Variants in NRAP observed in about 807,000 individuals in gnomAD.
The protein encoded by NRAP is nebulin-related-anchoring protein.
NRAP carries 189 observed loss-of-function variants against 225.9 expected under a neutral mutation model. The ratio of observed to expected loss-of-function variants is 0.84; its 90% CI spans 0.74 to 0.94. The LOEUF (loss-of-function observed/expected upper bound fraction) is 0.94, where lower values mean the gene tolerates loss of function less well. Ranked by LOEUF, NRAP falls within the 40% of genes least tolerant of loss-of-function variation. NRAP has a pLI of 0.00. For synonymous variants in NRAP, 769 were observed against 790.7 expected, an observed-to-expected ratio of 0.97 and a Z score of 0.46; for missense variants, 2,176 against 2,168.7, an observed-to-expected ratio of 1.00 and a Z score of -0.07.
chr10:113,661,636 G>A (rs1464249488), intron 3 of NRAP, among the ~76,000 whole-genome samples: 2 of 152,144 alleles, frequency 1.3e-5, no homozygotes, highest in African/African-American at 4.8e-5. Context: ...ATTTTAATAG[G>A]TGCAAGAGTT....
chr10:113,644,842 G>A (rs1300262855), intron 11 of NRAP, among the ~76,000 whole-genome samples: 3 of 152,198 alleles, frequency 2.0e-5, no homozygotes, highest in Non-Finnish European at 4.4e-5. Flanking sequence ...AACTTGTTAT[G>A]TGAATGCTTT....
At chr10:113,650,713 T>C (rs1199501825) in intron 7 of NRAP, among the ~76,000 whole-genome samples, 168 bp from the exon 8 acceptor site, 1 of 152,208 alleles carries the variant, frequency 6.6e-6, no homozygotes, top group Non-Finnish European at 1.5e-5. Flanking sequence ...CATCTTCTTA[T>C]TCCCAATACC....
intron 14 of NRAP, among the ~76,000 whole-genome samples, chr10:113,637,692 G>A (rs1848956936): frequency 6.6e-6 from 1 of 152,336 alleles, no homozygotes; most frequent in Admixed American, 6.5e-5. Flanking sequence ...GGGAGGCCGA[G>A]GCAGGCGGAT....
At chr10:113,635,992 A>T (rs1288488719) in intron 14 of NRAP, among the ~76,000 whole-genome samples, 2 of 152,136 alleles carry the variant, frequency 1.3e-5, no homozygotes, top group African/African-American at 4.8e-5. Context: ...TGGACATCTG[A>T]ATCTCTGTGC....
intron 32 of NRAP, among the ~76,000 whole-genome samples, chr10:113,606,864 G>A (rs1393628755): frequency 1.3e-5 from 2 of 151,902 alleles, no homozygotes; most frequent in Admixed American, 6.6e-5. Context: ...TCAGGAGTTC[G>A]AGACCAGCCT....
At chr10:113,615,399 A>G (rs1404523646) in intron 27 of NRAP, among the ~76,000 whole-genome samples, 1 of 152,166 alleles carries the variant, frequency 6.6e-6, no homozygotes, top group Admixed American at 6.5e-5. Flanking sequence ...GCCACTGGAT[A>G]TACTCAGCTA....
chr10:113,644,252 C>T (rs1422319396), intron 11 of NRAP, among the ~76,000 whole-genome samples: 1 of 148,384 alleles, frequency 6.7e-6, no homozygotes, highest in African/African-American at 2.5e-5. Flanking sequence ...CTAAAAGTCT[C>T]TACCACCCAG....
At chr10:113,589,488 C>T (rs753669869) in intron 41 of NRAP, 178 bp downstream of exon 41, 7 of 689,170 alleles carry the variant, frequency 1.0e-5, no homozygotes, top group East Asian at 2.7e-5. Flanking sequence ...GTTTAACCTG[C>T]GTGTCATCTG....
At chr10:113,608,635 C>T (rs774858007) in intron 31 of NRAP, 123 bp from the exon 32 acceptor site, 107 of 661,158 alleles carry the variant, frequency 1.6e-4, no homozygotes, top group Non-Finnish European at 2.6e-4. Context: ...TCTATCACTC[C>T]AGAATCCAGA....
intron 30 of NRAP, 135 bp from the exon 31 acceptor site, chr10:113,610,698 G>A (rs991005346): frequency 4.2e-5 from 25 of 592,496 alleles, no homozygotes; most frequent in African/African-American, 1.3e-4. Flanking sequence ...CCGTCCCTCC[G>A]GATATATTAA....
Position 113,606,282 on chromosome 10 carries a change from G to C in NRAP, c.3703C>G (p.Arg1235Gly). ...TCCTCTCCAGCTGCTTTATAGAGGC[G>C]CTAGGCCAAAAAAATATAATAATAA... is the stretch of plus-strand genomic sequence containing the variant. ...AKFSNQITNE[R>G]LYKAAGEDAR... Residue 1235 changes from arginine (R) to glycine (G), a missense_variant and splice_region_variant, in exon 33 of 42, where the codon CGC becomes GGC. Coordinates refer to ENST00000359988, the MANE Select transcript of NRAP (RefSeq NM_198060.4). 1.3e-6 allele frequency: 2 copies of C among 1,586,856 alleles called. No homozygotes were observed. The highest frequency in any genetic ancestry group is 1.7e-6 in the Non-Finnish European group (2 of 1,155,372).
At chr10:113,632,989 G>A (rs1848656733) in intron 16 of NRAP, 95 bp downstream of exon 16, 2 of 749,566 alleles carry the variant, frequency 2.7e-6, no homozygotes, top group African/African-American at 1.7e-5. Context: ...CCTTTCTCAG[G>A]GACAGACACT....
chr10:113,647,093 T>C (rs1312034982), intron 9 of NRAP, 66 bp from the exon 10 acceptor site: 2 of 965,534 alleles, frequency 2.1e-6, no homozygotes, highest in Admixed American at 1.7e-5. Context: ...GGTTCAGCAA[T>C]GGTCACTCAT....
intron 14 of NRAP, among the ~76,000 whole-genome samples, chr10:113,634,620 G>A (rs1848759116): frequency 6.6e-6 from 1 of 152,178 alleles, no homozygotes; most frequent in South Asian, 2.1e-4. Flanking sequence ...AGTGCAGATT[G>A]GTACAACCAC....
Position 113,604,705 on chromosome 10 carries a change from G to T in NRAP, c.4131C>A (p.Ser1377Arg). The T allele has an allele frequency of 6.2e-7, 1 of 1,614,158 alleles. No individual in the cohort carries two copies. The highest frequency in any genetic ancestry group is 8.5e-7 in the Non-Finnish European group (1 of 1,180,016). The change falls in exon 35 of 42, where the codon AGC becomes AGA. Residue 1377 changes from serine (S) to arginine (R), a missense_variant. Transcript: ENST00000359988. ...VHAKNAQALA[S>R]DHDYRTQYHK... ...GATACTGTGTCCTGTAGTCGTGGTC[G>T]CTGGCCAGAGCCTGGGCATTCTTGG...
Position 113,589,772 on chromosome 10 carries a change from A to G in NRAP, c.4982T>C (p.Leu1661Pro). The change falls in exon 41 of 42, where the codon CTG (leucine) becomes CCG (proline). Residue 1661 changes from leucine to proline, a missense_variant. Coordinates refer to ENST00000359988, the MANE Select transcript of NRAP (RefSeq NM_198060.4). ...AGGGGTCCAGCCAACACCTCTGGTC[A>G]GGTTCAAGTCTGATTTATACTTGAC... ...SDVKYKSDLN[L>P]TRGVGWTPPG... 6.2e-7 allele frequency: 1 copy of G among 1,614,184 alleles called. No individual in the cohort carries two copies. Among genetic ancestry groups the G allele is most frequent in the South Asian group, 1.1e-5 (1 of 91,078 alleles).
Position 113,637,736 on chromosome 10 carries a change from C to T in NRAP, c.1428+2491G>A, listed in dbSNP as rs531301482. On this transcript the variant is annotated intron_variant, in intron 14 of 41. Coordinates refer to ENST00000359988, the MANE Select transcript of NRAP (RefSeq NM_198060.4). The stretch of plus-strand genomic sequence containing the variant: ...GTCAGGAGTTTGAGACCAGCCTGAC[C>T]AACAGGGAGAAACACCATCTCTACT... Among the ~76,000 whole-genome samples the T allele has an allele frequency of 3.3e-5, 5 of 152,210 alleles. No homozygotes were observed. In the South Asian group the frequency reaches 6.2e-4, roughly 19 times the overall value.
At chr10:113,644,080 G>A (rs192591865) in intron 11 of NRAP, among the ~76,000 whole-genome samples, 1 of 145,244 alleles carries the variant, frequency 6.9e-6, no homozygotes, top group East Asian at 2.1e-4. Context: ...GTGGGAGGTG[G>A]AGGTTGCGGT....
At chr10:113,612,793 A>AT (rs1564714907) in intron 29 of NRAP, among the ~76,000 whole-genome samples, 1 of 152,008 alleles carries the variant, frequency 6.6e-6, no homozygotes, top group Non-Finnish European at 1.5e-5. Flanking sequence ...TGCCCACCAT[A>AT]TTTTTTCCCA....
Sources: allele counts gnomAD v4.1 joint callset (sites outside exome capture counted in the v4.1 genomes callset), GRCh38; gene constraint gnomAD v4.1.1; transcripts MANE v1.5; gene names NCBI Gene and HGNC (gene_info 2026-07-23, HGNC 2026-07-21).